Variants in KHDRBS3 observed in about 807,000 individuals in gnomAD.
The protein encoded by KHDRBS3 is KH domain-containing, RNA-binding, signal transduction-associated protein 3.
KHDRBS3 carries 23 observed loss-of-function variants against 45.6 expected under a neutral mutation model. That is an observed-to-expected ratio of 0.50 (90% CI 0.36 to 0.72). The LOEUF is 0.72. Among genes scored for constraint, KHDRBS3 ranks in the 30% least tolerant of loss-of-function variants. KHDRBS3 has a pLI of 0.00. For synonymous variants in KHDRBS3, 162 were observed against 156.5 expected, an observed-to-expected ratio of 1.04 and a Z score of -0.26; for missense variants, 352 against 424.8, an observed-to-expected ratio of 0.83 and a Z score of 1.51.
rs1491256544 is a variant in KHDRBS3, at chr8:135,536,262, T to TTTTTTTTTTTTTTTTTTTTA, written c.208-6392_208-6391insTTTTTTTTTTTTTTTTTTTA. Among the ~76,000 whole-genome samples the TTTTTTTTTTTTTTTTTTTTA allele has an allele frequency of 5.1e-5, 5 of 98,754 alleles. 1 individual carries two copies. Among genetic ancestry groups the TTTTTTTTTTTTTTTTTTTTA allele is most frequent in the African/African-American group, 1.7e-4 (5 of 29,248 alleles). The allele number at this position is 98,754 out of a possible 152,430, so 64.8% of individuals were successfully genotyped here. A position where few individuals can be genotyped will look rare whatever the true frequency, so the allele number is the denominator to read the frequency against. On this transcript the variant is annotated intron_variant, in intron 2 of 8. Coordinates refer to ENST00000355849, the MANE Select transcript of KHDRBS3 (RefSeq NM_006558.3). ...TTTTTTTTTTTTTTTTTTTTTTTTT[T>TTTTTTTTTTTTTTTTTTTTA]ATTATTGTTTAAAAGGTGGATGTGA...
chr8:135,607,155 G>T, intron 7 of KHDRBS3, 118 bp downstream of exon 7: 1 of 690,666 alleles, frequency 1.4e-6, no homozygotes, highest in Non-Finnish European at 2.4e-6. Flanking sequence ...CCCTGTTTTT[G>T]TATTTGTTTA....
chr8:135,588,450 G>A (rs914735255), intron 6 of KHDRBS3, among the ~76,000 whole-genome samples: 1 of 152,078 alleles, frequency 6.6e-6, no homozygotes, highest in African/African-American at 2.4e-5. Context: ...TCACTACATA[G>A]ACGTACTTGA....
intron 1 of KHDRBS3, among the ~76,000 whole-genome samples, chr8:135,488,208 G>C (rs1430523495): frequency 6.6e-6 from 1 of 152,144 alleles, no homozygotes; most frequent in Non-Finnish European, 1.5e-5. Flanking sequence ...ACTGGTACAT[G>C]TGCTGATACT....
At chr8:135,503,479 C>T (rs1020766831) in intron 1 of KHDRBS3, among the ~76,000 whole-genome samples, 3 of 152,132 alleles carry the variant, frequency 2.0e-5, no homozygotes, top group Non-Finnish European at 4.4e-5. Context: ...GAGGATTAAA[C>T]GTGGCCTCCT....
intron 1 of KHDRBS3, among the ~76,000 whole-genome samples, chr8:135,501,143 C>T (rs1007232571): frequency 1.3e-5 from 2 of 152,204 alleles, no homozygotes; most frequent in Admixed American, 6.5e-5. Flanking sequence ...CCCATCTCCT[C>T]CTGCCTTTAA....
chr8:135,568,665 C>G (rs1182404356), intron 5 of KHDRBS3, among the ~76,000 whole-genome samples: 1 of 152,066 alleles, frequency 6.6e-6, no homozygotes, highest in African/African-American at 2.4e-5. Flanking sequence ...GCTGTCAAGT[C>G]CAAATATAAA....
chr8:135,592,376 G>A (rs765516420), intron 6 of KHDRBS3, among the ~76,000 whole-genome samples: 4 of 152,130 alleles, frequency 2.6e-5, no homozygotes, highest in Admixed American at 6.5e-5. Context: ...AGGCTTGCCC[G>A]TCCAAGTTAG....
chr8:135,641,492 G>A (rs1167531000), intron 7 of KHDRBS3, among the ~76,000 whole-genome samples: 1 of 152,214 alleles, frequency 6.6e-6, no homozygotes, highest in Non-Finnish European at 1.5e-5. Context: ...CTGACCCTTG[G>A]AAAGAAGACT....
chr8:135,555,716 G>T (rs1025808527), intron 4 of KHDRBS3, among the ~76,000 whole-genome samples: 2 of 152,022 alleles, frequency 1.3e-5, no homozygotes, highest in African/African-American at 4.8e-5. Flanking sequence ...CTATTTCATT[G>T]ATCTTTTTTA....
At chr8:135,585,937 T>C (rs1402450443) in intron 6 of KHDRBS3, among the ~76,000 whole-genome samples, 2 of 152,196 alleles carry the variant, frequency 1.3e-5, no homozygotes, top group African/African-American at 4.8e-5. Context: ...GGAAGAAATA[T>C]GATAGTATTT....
intron 7 of KHDRBS3, among the ~76,000 whole-genome samples, chr8:135,623,033 C>A (rs963397514): frequency 6.6e-6 from 1 of 152,172 alleles, no homozygotes; most frequent in Non-Finnish European, 1.5e-5. Context: ...TAACAGTTCT[C>A]CTTATTACAT....
At position 135,573,999 on chromosome 8, in the gene KHDRBS3, A is replaced by T. The variant is rs576742692; in HGVS notation, c.612-7879A>T. Among the ~76,000 whole-genome samples, 24 of 152,250 alleles carry T rather than the reference A, an allele frequency of 1.6e-4. No homozygotes were observed. In the East Asian group the frequency reaches 2.7e-3, roughly 17 times the overall value. On this transcript the variant is annotated intron_variant, in intron 5 of 8. Transcript: ENST00000355849. ...AATTTGGATCTGCTTTTCTGTTTTT[A>T]AAAAAAGTGTCATTGATTATCAAGT...
At chr8:135,624,086 C>G (rs1380023753) in intron 7 of KHDRBS3, among the ~76,000 whole-genome samples, 1 of 152,210 alleles carries the variant, frequency 6.6e-6, no homozygotes, top group Non-Finnish European at 1.5e-5. Context: ...AACTAGTGTA[C>G]TGGCAAAGTA....
At chr8:135,552,978 G>A (rs977715922) in intron 4 of KHDRBS3, among the ~76,000 whole-genome samples, 4 of 152,084 alleles carry the variant, frequency 2.6e-5, no homozygotes, top group South Asian at 2.1e-4. Flanking sequence ...TCCTGTCTCC[G>A]CTGCATATAT....
intron 7 of KHDRBS3, among the ~76,000 whole-genome samples, chr8:135,615,956 A>C (rs1829898221): frequency 6.6e-6 from 1 of 152,210 alleles, no homozygotes; most frequent in Non-Finnish European, 1.5e-5. Context: ...ACCAAATTTG[A>C]TGCCTTGATT....
intron 5 of KHDRBS3, among the ~76,000 whole-genome samples, chr8:135,559,641 G>A (rs897360641): frequency 1.3e-5 from 2 of 152,264 alleles, no homozygotes; most frequent in Middle Eastern, 3.4e-3. Flanking sequence ...GATTACAGGC[G>A]TGAGCCACCA....
intron 1 of KHDRBS3, among the ~76,000 whole-genome samples, chr8:135,479,111 G>A (rs370005203): frequency 1.3e-5 from 2 of 152,184 alleles, no homozygotes; most frequent in Non-Finnish European, 2.9e-5. Flanking sequence ...TCTGTTAAGT[G>A]TAAAATTAGG....
chr8:135,509,655 C>T (rs1345089514), intron 1 of KHDRBS3, among the ~76,000 whole-genome samples: 1 of 152,148 alleles, frequency 6.6e-6, no homozygotes, highest in African/African-American at 2.4e-5. Flanking sequence ...TTTAAGGATA[C>T]ATTTATCTCA....
At chr8:135,462,283 A>G (rs1293876057) in intron 1 of KHDRBS3, among the ~76,000 whole-genome samples, 6 of 148,958 alleles carry the variant, frequency 4.0e-5, no homozygotes, top group Non-Finnish European at 8.9e-5. Context: ...AGTGTTAGAT[A>G]TGCCATTTCT....
Sources: allele counts gnomAD v4.1 joint callset (sites outside exome capture counted in the v4.1 genomes callset), GRCh38; gene constraint gnomAD v4.1.1; transcripts MANE v1.5; gene names NCBI Gene and HGNC (gene_info 2026-07-23, HGNC 2026-07-21).